ENDOU: variants seen among roughly 807,000 people sequenced by gnomAD.
The protein encoded by ENDOU is uridylate-specific endoribonuclease.
A neutral mutation model predicts 54.2 loss-of-function variants in ENDOU; 49 were observed. That is an observed-to-expected ratio of 0.90 (90% CI 0.72 to 1.15). ENDOU has a LOEUF of 1.15. Ranked by LOEUF, ENDOU falls within the 50% of genes most tolerant of loss-of-function variation. The pLI is 0.00. For synonymous variants in ENDOU, 172 were observed against 190.5 expected, an observed-to-expected ratio of 0.90 and a Z score of 0.80; for missense variants, 458 against 511.4, an observed-to-expected ratio of 0.90 and a Z score of 1.01.
Position 47,718,123 on chromosome 12 carries a change from G to A in ENDOU, c.244+6C>T. ...TGAGGGCCCCCCTTTGGGGAGGCAG[G>A]CTCACTGCTGGCGAGGGCCTCTTCT... On this transcript the variant is annotated splice_donor_region_variant and intron_variant, in intron 3 of 9. Transcript: ENST00000422538. 6.4e-7 allele frequency: 1 copy of A among 1,564,942 alleles called. No individual in the cohort carries two copies.
At chr12:47,711,901 G>C in intron 8 of ENDOU, 126 bp from the exon 9 acceptor site, 1 of 1,043,232 alleles carries the variant, frequency 9.6e-7, no homozygotes, top group Non-Finnish European at 1.4e-6. Context: ...GAACCTTCCA[G>C]GGAGACTGGA....
At chr12:47,713,746 G>GT (rs1438908958) in intron 6 of ENDOU, among the ~76,000 whole-genome samples, 1 of 150,496 alleles carries the variant, frequency 6.6e-6, no homozygotes, top group African/African-American at 2.5e-5. Flanking sequence ...TTGGCGGGGG[G>GT]GGGGGGTCTT....
intron 6 of ENDOU, among the ~76,000 whole-genome samples, chr12:47,713,740 C>CA (rs71439412): frequency 9.3e-6 from 1 of 107,650 alleles, no homozygotes; most frequent in African/African-American, 4.6e-5. Context: ...CATAAGTTGG[C>CA]GGGGGGGGGG....
At chr12:47,716,726 C>A (rs1305474381) in intron 5 of ENDOU, among the ~76,000 whole-genome samples, 164 bp downstream of exon 5, 6 of 152,240 alleles carry the variant, frequency 3.9e-5, no homozygotes, top group African/African-American at 1.4e-4. Flanking sequence ...ACCCTCCCAA[C>A]TGGATATCCA....
chr12:47,720,642 C>T, intron 2 of ENDOU, 111 bp downstream of exon 2: 1 of 1,240,576 alleles, frequency 8.1e-7, no homozygotes, highest in African/African-American at 1.5e-5. Context: ...GCTTTCTGTC[C>T]AGACCCTTAG....
rs142303348 is a variant in ENDOU, at chr12:47,717,646, G to C, written c.254C>G (p.Ser85Trp). 6.2e-7 allele frequency: 1 copy of C among 1,614,014 alleles called. No homozygotes were observed. The highest frequency in any genetic ancestry group is 8.5e-7 in the Non-Finnish European group (1 of 1,179,988). Residue 85 changes from serine to tryptophan, a missense_variant, in exon 4 of 10, where the codon TCG becomes TGG. Coordinates refer to ENST00000422538, the MANE Select transcript of ENDOU (RefSeq NM_001172439.2). ...GCGGCCCTGGCAGGAGGTGGGTGCC[G>C]AGTACAAGTCTGAGAAGAGAGGGGT... ...TEEALASNLY[S>W]APTSCQGRCY...
Position 47,725,468 on chromosome 12 carries a change from G to A in ENDOU, c.-55C>T. 6.5e-7 allele frequency: 1 copy of A among 1,535,636 alleles called. No homozygotes were observed. The highest frequency in any genetic ancestry group is 9.0e-7 in the Non-Finnish European group (1 of 1,109,664). ...GGCTGTTGGACTTTCACTAGAGTCAGATGAATGTCACAGCTCTCAGACGAG... is the reference window on the plus strand; with the variant it reads ...GGCTGTTGGACTTTCACTAGAGTCAAATGAATGTCACAGCTCTCAGACGAG... On this transcript the variant is annotated 5_prime_UTR_variant, in exon 1 of 10. Transcript: ENST00000422538.
chr12:47,716,214 C>T, intron 6 of ENDOU, 86 bp downstream of exon 6: 3 of 1,322,194 alleles, frequency 2.3e-6, no homozygotes, highest in Non-Finnish European at 2.2e-6. Flanking sequence ...GCCTCCTCAC[C>T]TGCCCTCCTA....
chr12:47,717,955 C>A (rs1040573358), intron 3 of ENDOU, 174 bp downstream of exon 3: 1 of 649,588 alleles, frequency 1.5e-6, no homozygotes, highest in Non-Finnish European at 2.6e-6. Context: ...CATGGCCCCC[C>A]AGGCTGGCTG....
intron 6 of ENDOU, 30 bp from the exon 7 acceptor site, chr12:47,713,418 G>A: frequency 6.5e-7 from 1 of 1,531,520 alleles, no homozygotes; most frequent in African/African-American, 1.4e-5. Flanking sequence ...GTTTTGGAGA[G>A]GGGAGGCAGG....
At chr12:47,715,404 C>G (rs923994972) in intron 6 of ENDOU, among the ~76,000 whole-genome samples, 1 of 152,226 alleles carries the variant, frequency 6.6e-6, no homozygotes, top group African/African-American at 2.4e-5. Context: ...TGTCTGGCCT[C>G]CGTTTCTCTC....
In ENDOU at chr12:47,710,624, T is replaced by C; in HGVS notation, c.*178A>G. On this transcript the variant is annotated 3_prime_UTR_variant, in exon 10 of 10. Coordinates refer to ENST00000422538, the MANE Select transcript of ENDOU (RefSeq NM_001172439.2). Reference sequence around the variant, plus strand: ...AAAGGTTTGACTGTTTATCCACATTTTTCTAATTTGTACATTTTATCTCTT... The same window carrying C: ...AAAGGTTTGACTGTTTATCCACATTCTTCTAATTTGTACATTTTATCTCTT... 4 of 583,056 alleles carry C rather than the reference T, an allele frequency of 6.9e-6. No individual in the cohort carries two copies. In the South Asian group the frequency reaches 8.1e-5, roughly 12 times the overall value. The allele number at this position is 583,056 out of a possible 1,614,324, so 36.1% of individuals were successfully genotyped here. A position where few individuals can be genotyped will look rare whatever the true frequency, so the allele number is the denominator to read the frequency against.
intron 6 of ENDOU, 102 bp from the exon 7 acceptor site, chr12:47,713,490 A>G (rs1940114206): frequency 2.7e-6 from 2 of 748,242 alleles, no homozygotes; most frequent in Non-Finnish European, 4.7e-6. Flanking sequence ...ACGTCAAGAA[A>G]CATGTGGGTT....
At position 47,723,759 on chromosome 12, in the gene ENDOU, G is replaced by T. The variant is rs1940505334; in HGVS notation, c.55+1600C>A. On this transcript the variant is annotated intron_variant, in intron 1 of 9. Coordinates refer to ENST00000422538, the MANE Select transcript of ENDOU (RefSeq NM_001172439.2). ...ATCCTACACATCTGTACCGTTAGAA[G>T]GCCCCAGATGCTGTTTCCATGGAGA... Among the ~76,000 whole-genome samples, 5 of 152,080 alleles carry T rather than the reference G, an allele frequency of 3.3e-5. No homozygotes were observed. The South Asian group carries it at 6.2e-4, about 19-fold the overall frequency.
Position 47,712,587 on chromosome 12 carries a change from T to A in ENDOU, c.901A>T (p.Asn301Tyr). The change falls in exon 8 of 10, where the codon AAC becomes TAC. Residue 301 changes from asparagine to tyrosine, a missense_variant. Coordinates refer to ENST00000422538, the MANE Select transcript of ENDOU (RefSeq NM_001172439.2). Reference protein sequence around the residue: ...VKKGKVTGFHNWIRFYLEEKE... With the variant: ...VKKGKVTGFHYWIRFYLEEKE... The stretch of plus-strand genomic sequence containing the variant: ...TCCTCCAGGTAGAAGCGGATCCAGT[T>A]ATGGAAGCCAGTAACCTTGCCTTTT... 1 of 1,614,134 alleles carries A rather than the reference T, an allele frequency of 6.2e-7. No homozygotes were observed. The highest frequency in any genetic ancestry group is 8.5e-7 in the Non-Finnish European group (1 of 1,180,018).
intron 3 of ENDOU, 75 bp downstream of exon 3, chr12:47,718,054 T>C (rs879749389): frequency 3.3e-4 from 435 of 1,316,654 alleles, no homozygotes; most frequent in Middle Eastern, 5.0e-4. Context: ...GCCACTGCCA[T>C]GGCCGCCCCT....
At chr12:47,720,718 G>A in intron 2 of ENDOU, 35 bp downstream of exon 2, 1 of 1,534,022 alleles carries the variant, frequency 6.5e-7, no homozygotes, top group Non-Finnish European at 8.7e-7. Context: ...CCCTTAGACA[G>A]GCTGGACATG....
At chr12:47,717,826 T>C in intron 3 of ENDOU, 171 bp from the exon 4 acceptor site, 1 of 669,788 alleles carries the variant, frequency 1.5e-6, no homozygotes, top group South Asian at 2.0e-5. Context: ...AGGAAGTCCT[T>C]TCTGATGCCG....
At chr12:47,722,628 C>G (rs1426667830) in intron 1 of ENDOU, among the ~76,000 whole-genome samples, 1 of 152,130 alleles carries the variant, frequency 6.6e-6, no homozygotes, top group East Asian at 1.9e-4. Context: ...GTGTTGTGGC[C>G]CCGTCGACAC....
Sources: allele counts gnomAD v4.1 joint callset (sites outside exome capture counted in the v4.1 genomes callset), GRCh38; gene constraint gnomAD v4.1.1; transcripts MANE v1.5; gene names NCBI Gene and HGNC (gene_info 2026-07-23, HGNC 2026-07-21).